The following LRRC8A variants were observed in gnomAD, a reference collection of about 807,000 sequenced individuals.
LRRC8A encodes the protein volume-regulated anion channel subunit LRRC8A.
LRRC8A carries 24 observed loss-of-function variants against 52.5 expected under a neutral mutation model. The observed-to-expected ratio is 0.46, with a 90% CI of 0.33 to 0.64. The LOEUF (loss-of-function observed/expected upper bound fraction) is 0.64, where lower values mean the gene tolerates loss of function less well. Among genes scored for constraint, LRRC8A ranks in the 30% least tolerant of loss-of-function variants. The probability of loss-of-function intolerance (pLI) is 0.02; values close to 1 mark genes in which losing one functional copy is unlikely to be tolerated. For synonymous variants in LRRC8A, 492 were observed against 494.2 expected (o/e 1.00, Z 0.06); for missense variants, 677 against 1,094.7 (o/e 0.62, Z 5.38).
chr9:128,909,315 C>T lies in LRRC8A; in HGVS notation c.2151C>T (p.Ala717=). ...ACCTCCAGAACCTAGCCATCACGGC[C>T]AACCGGGTGAGTGGCCCGGCCACAG... ...LQNLQNLAIT[A]NRIETLPPEL... Residue 717 remains alanine (A), a synonymous_variant, in exon 3 of 4, where the codon GCC becomes GCT. Transcript: ENST00000372600. 1 of 1,612,552 alleles carries T rather than the reference C, an allele frequency of 6.2e-7. No individual in the cohort carries two copies. Among genetic ancestry groups the T allele is most frequent in the South Asian group, 1.1e-5 (1 of 91,086 alleles).
intron 1 of LRRC8A, chr9:128,882,545 C>T (rs1176561827): frequency 1.3e-5 from 5 of 396,616 alleles, no homozygotes; most frequent in Non-Finnish European, 2.2e-5. Flanking sequence ...CCCCCATGTC[C>T]CCTTGTCATC....
Position 128,908,138 on chromosome 9 carries a change from A to T in LRRC8A, c.974A>T (p.Tyr325Phe). The T allele has an allele frequency of 6.2e-7, 1 of 1,613,972 alleles. No individual in the cohort carries two copies. Among genetic ancestry groups the T allele is most frequent in the Non-Finnish European group, 8.5e-7 (1 of 1,180,010 alleles). ...ATLFKILASF[Y>F]ISLVIFYGLI... ...CTCTTCAAGATCCTGGCGTCCTTCT[A>T]CATCAGCCTAGTCATCTTCTACGGC... The change falls in exon 3 of 4, where the codon TAC becomes TTC. Residue 325 changes from tyrosine (Y) to phenylalanine (F), a missense_variant. Transcript: ENST00000372600.
Position 128,908,850 on chromosome 9 carries a change from C to A in LRRC8A, c.1686C>A (p.Val562=). The part of the protein sequence containing the change: ...KSNLSKLPQV[V]TDVGVHLQKL... Reference sequence around the variant, plus strand: ...ACCTAAGCAAGCTGCCACAGGTGGTCACAGATGTGGGCGTGCACCTGCAGA... The same window carrying A: ...ACCTAAGCAAGCTGCCACAGGTGGTAACAGATGTGGGCGTGCACCTGCAGA... The change falls in exon 3 of 4, where the codon GTC becomes GTA. Residue 562 remains valine, a synonymous_variant. Coordinates refer to ENST00000372600, the MANE Select transcript of LRRC8A (RefSeq NM_019594.4). The A allele has an allele frequency of 6.2e-7, 1 of 1,613,756 alleles. No individual in the cohort carries two copies. The highest frequency in any genetic ancestry group is 1.1e-5 in the South Asian group (1 of 91,080).
In LRRC8A at chr9:128,909,076, C is replaced by T. The variant is rs1840382760; in HGVS notation, c.1912C>T (p.Leu638=). Residue 638 remains leucine (L), a synonymous_variant, in exon 3 of 4, where the codon CTG becomes TTG. Coordinates refer to ENST00000372600, the MANE Select transcript of LRRC8A (RefSeq NM_019594.4). ...CGAGGAGATCATCAGCTTCCAGCAC[C>T]TGCACCGCCTCACCTGCCTTAAGCT... ...TIEEIISFQH[L]HRLTCLKLWY... The T allele has an allele frequency of 3.1e-6, 5 of 1,614,156 alleles. 1 individual carries two copies. The Middle Eastern group carries it at 4.9e-4, about 160-fold the overall frequency.
intron 2 of LRRC8A, among the ~76,000 whole-genome samples, chr9:128,895,437 G>A (rs951813223): frequency 6.6e-6 from 1 of 152,206 alleles, no homozygotes; most frequent in East Asian, 1.9e-4. Context: ...TGCTGGAGCT[G>A]GATTTGAACC....
At chr9:128,888,903 C>G (rs546098998) in intron 2 of LRRC8A, among the ~76,000 whole-genome samples, 1 of 152,248 alleles carries the variant, frequency 6.6e-6, no homozygotes, top group East Asian at 1.9e-4. Flanking sequence ...TCTGGCTTCT[C>G]CTTCCTGCAG....
intron 2 of LRRC8A, among the ~76,000 whole-genome samples, chr9:128,904,259 C>G (rs1398508305): frequency 6.6e-6 from 1 of 152,122 alleles, no homozygotes. Flanking sequence ...TGACTCACAC[C>G]TATAATCCCA....
Position 128,907,440 on chromosome 9 carries a change from G to A in LRRC8A, c.276G>A (p.Thr92=), listed in dbSNP as rs142517672. Residue 92 remains threonine, a synonymous_variant, in exon 3 of 4, where the codon ACG becomes ACA. Coordinates refer to ENST00000372600, the MANE Select transcript of LRRC8A (RefSeq NM_019594.4). The surrounding 1 kb of genome is among the most constrained non-coding windows in gnomAD (Gnocchi z 9.3). ...PNSTILPTPD[T]GPTGIKYDLD... The stretch of plus-strand genomic sequence containing the variant: ...CCACCATTCTGCCGACCCCTGACAC[G>A]GGCCCCACAGGCATCAAGTATGACC... 29 of 1,613,562 alleles carry A rather than the reference G, an allele frequency of 1.8e-5. No homozygotes were observed. Among genetic ancestry groups the A allele is most frequent in the African/African-American group, 1.3e-4 (10 of 75,012 alleles).
intron 3 of LRRC8A, among the ~76,000 whole-genome samples, chr9:128,912,031 G>A (rs895183668): frequency 3.9e-5 from 6 of 152,226 alleles, no homozygotes; most frequent in African/African-American, 1.4e-4. Flanking sequence ...TGAAAGCCTT[G>A]ACAAGACAGT....
At chr9:128,896,309 C>T (rs1839822362) in intron 2 of LRRC8A, among the ~76,000 whole-genome samples, 1 of 152,176 alleles carries the variant, frequency 6.6e-6, no homozygotes, top group South Asian at 2.1e-4. Context: ...ACAACGTATC[C>T]TTTCTCCTGT....
chr9:128,897,980 T>G (rs1839884003), intron 2 of LRRC8A, among the ~76,000 whole-genome samples: 1 of 137,682 alleles, frequency 7.3e-6, no homozygotes, highest in Admixed American at 7.3e-5. Flanking sequence ...AAAAAAAAGA[T>G]AAGTTTGGGG....
At position 128,902,624 on chromosome 9, in the gene LRRC8A, T is replaced by C. The variant is rs62585595; in HGVS notation, c.-8-4533T>C. Reference sequence around the variant, plus strand: ...AGGCAGGCTGCTGCATGCACCGGGCTCCTCTCCTCCCTCTTCTGTTCCCCA... The same window carrying C: ...AGGCAGGCTGCTGCATGCACCGGGCCCCTCTCCTCCCTCTTCTGTTCCCCA... On this transcript the variant is annotated intron_variant, in intron 2 of 3. Transcript: ENST00000372600. The surrounding 1 kb of genome is among the most constrained non-coding windows in gnomAD (Gnocchi z 4.1). Among the ~76,000 whole-genome samples the C allele has an allele frequency of 0.042, 6,424 of 152,226 alleles. 164 individuals are homozygous for C. The highest frequency in any genetic ancestry group is 0.064 in the Non-Finnish European group (4,381 of 68,006).
At chr9:128,887,383 C>T (rs545166695) in intron 2 of LRRC8A, among the ~76,000 whole-genome samples, 8 of 152,098 alleles carry the variant, frequency 5.3e-5, no homozygotes, top group African/African-American at 1.2e-4. Context: ...AGGCTGGTCT[C>T]GAACTCCTGG....
chr9:128,901,265 C>G (rs1464821321), intron 2 of LRRC8A, among the ~76,000 whole-genome samples: 1 of 152,112 alleles, frequency 6.6e-6, no homozygotes, highest in African/African-American at 2.4e-5. Context: ...GAGATGGAAA[C>G]CATCCTGGCC....
chr9:128,896,655 G>A (rs1470226318), intron 2 of LRRC8A, among the ~76,000 whole-genome samples: 2 of 152,064 alleles, frequency 1.3e-5, no homozygotes, highest in Non-Finnish European at 2.9e-5. Flanking sequence ...TCATTGGATT[G>A]TTTTTGTCTT....
chr9:128,897,837 C>T (rs962339261), intron 2 of LRRC8A, among the ~76,000 whole-genome samples: 3 of 151,878 alleles, frequency 2.0e-5, no homozygotes, highest in African/African-American at 7.3e-5. Context: ...CACCTCCGTG[C>T]CTGGCAAAAT....
At chr9:128,891,560 C>CA (rs970599908) in intron 2 of LRRC8A, among the ~76,000 whole-genome samples, 1 of 151,836 alleles carries the variant, frequency 6.6e-6, no homozygotes, top group African/African-American at 2.4e-5. Flanking sequence ...GATCCTGTCT[C>CA]AAAAAAAATA....
chr9:128,883,060 C>G (rs72758878), intron 1 of LRRC8A, among the ~76,000 whole-genome samples: 5 of 152,124 alleles, frequency 3.3e-5, no homozygotes, highest in Admixed American at 2.6e-4. Flanking sequence ...TCAGCTGTTG[C>G]GATTGTTGCC....
intron 2 of LRRC8A, among the ~76,000 whole-genome samples, chr9:128,888,214 C>T (rs746722361): frequency 2.4e-4 from 36 of 152,110 alleles, no homozygotes; most frequent in Admixed American, 6.6e-4. Flanking sequence ...AGAGGGGAGG[C>T]CTGAGCTGTA....
Sources: allele counts gnomAD v4.1 joint callset (sites outside exome capture counted in the v4.1 genomes callset), GRCh38; gene constraint gnomAD v4.1.1; non-coding constraint Gnocchi (gnomAD v3.1); transcripts MANE v1.5; gene names NCBI Gene and HGNC (gene_info 2026-07-23, HGNC 2026-07-21).